The following PLVAP variants were observed in gnomAD, a reference collection of about 807,000 sequenced individuals.
PLVAP encodes the protein plasmalemma vesicle-associated protein.
Under a neutral mutation model 43.1 loss-of-function variants are expected in PLVAP, and 34 were observed. That is an observed-to-expected ratio of 0.79 (90% CI 0.60 to 1.05). PLVAP has a LOEUF of 1.05. Among genes scored for constraint, PLVAP ranks in the 50% least tolerant of loss-of-function variants. PLVAP has a pLI of 0.00. For missense variants in PLVAP, 574 were observed against 593.4 expected, an observed-to-expected ratio of 0.97 and a Z score of 0.34; for synonymous variants, 241 against 237.3, an observed-to-expected ratio of 1.02 and a Z score of -0.14.
intron 5 of PLVAP, among the ~76,000 whole-genome samples, chr19:17,357,628 C>T (rs1252552881): frequency 6.6e-6 from 1 of 152,152 alleles, no homozygotes; most frequent in Non-Finnish European, 1.5e-5. Flanking sequence ...CGTGCCACTG[C>T]ACTCCAGCCT....
At position 17,360,813 on chromosome 19, in the gene PLVAP, A is replaced by G. The variant is rs2074525114; in HGVS notation, c.1199T>C (p.Val400Ala). 6.2e-7 allele frequency: 1 copy of G among 1,613,748 alleles called. No individual in the cohort carries two copies. Among genetic ancestry groups the G allele is most frequent in the Non-Finnish European group, 8.5e-7 (1 of 1,179,842 alleles). ...IKTKSQPMMP[V>A]SRPMGPVPNP... Reference sequence around the variant, plus strand: ...GGGGACAGGGCCCATGGGCCTTGACACTGGCATCATCGGCTGCGACTGTGA... The same window carrying G: ...GGGGACAGGGCCCATGGGCCTTGACGCTGGCATCATCGGCTGCGACTGTGA... The change falls in exon 4 of 6, where the codon GTG (valine) becomes GCG (alanine). Residue 400 changes from valine (V) to alanine (A), a missense_variant. Val to Ala is a moderately conservative substitution (Grantham distance 64, BLOSUM62 0). Transcript: ENST00000252590.
intron 4 of PLVAP, 21 bp downstream of exon 4, chr19:17,360,751 G>C (rs749538525): frequency 2.5e-6 from 4 of 1,610,182 alleles, no homozygotes; most frequent in South Asian, 1.1e-5. Flanking sequence ...CCCCTACTTG[G>C]CTCTGTCTTT....
intron 3 of PLVAP, among the ~76,000 whole-genome samples, chr19:17,363,758 TTTG>T (rs1460314139): frequency 6.6e-6 from 1 of 150,828 alleles, no homozygotes; most frequent in Admixed American, 6.6e-5. Context: ...TTTTTTTTTT[TTTG>T]AGAGAGAATT....
intron 5 of PLVAP, among the ~76,000 whole-genome samples, chr19:17,354,365 G>A (rs2145716779): frequency 6.6e-6 from 1 of 152,246 alleles, no homozygotes; most frequent in South Asian, 2.1e-4. Flanking sequence ...GGGAGACGGA[G>A]GTGGGCGGAT....
intron 1 of PLVAP, 136 bp downstream of exon 1, chr19:17,376,784 C>A: frequency 4.3e-6 from 4 of 921,758 alleles, no homozygotes; most frequent in Non-Finnish European, 6.4e-6. Context: ...GGAGACGGAG[C>A]GAGACTCTGT....
At chr19:17,356,647 A>AT (rs1188094491) in intron 5 of PLVAP, among the ~76,000 whole-genome samples, 2 of 150,118 alleles carry the variant, frequency 1.3e-5, no homozygotes, top group African/African-American at 4.9e-5. Context: ...CTAAACTGAG[A>AT]TTTTATCAAG....
At chr19:17,360,893 C>G in intron 3 of PLVAP, 61 bp from the exon 4 acceptor site, 1 of 1,317,120 alleles carries the variant, frequency 7.6e-7, no homozygotes, top group Non-Finnish European at 1.1e-6. Context: ...AGGCTTCTGC[C>G]TTTTCTTTTC....
intron 5 of PLVAP, among the ~76,000 whole-genome samples, chr19:17,358,155 T>G (rs1261287297): frequency 6.6e-6 from 1 of 151,736 alleles, no homozygotes; most frequent in Non-Finnish European, 1.5e-5. Context: ...TCCCTCCCTG[T>G]GGGCTGCTCA....
At chr19:17,361,930 A>AT (rs148146209) in intron 3 of PLVAP, among the ~76,000 whole-genome samples, 39 of 150,812 alleles carry the variant, frequency 2.6e-4, no homozygotes, top group Non-Finnish European at 4.3e-4. Context: ...AAATAAAAAA[A>AT]AAAAAATCAG....
chr19:17,360,926 T>A, intron 3 of PLVAP, 94 bp from the exon 4 acceptor site: 1 of 1,221,554 alleles, frequency 8.2e-7, no homozygotes, highest in Non-Finnish European at 1.1e-6. Flanking sequence ...TTTTTTTTTT[T>A]TTTTTGAGAC....
intron 1 of PLVAP, among the ~76,000 whole-genome samples, chr19:17,375,633 G>A (rs888659777): frequency 6.6e-6 from 1 of 151,954 alleles, no homozygotes; most frequent in African/African-American, 2.4e-5. Flanking sequence ...TGTAATCCCA[G>A]CACTATGGGA....
Position 17,373,065 on chromosome 19 carries a change from CAAAAAAAAAAAAAA to C in PLVAP, c.369+3841_369+3854del, listed in dbSNP as rs59152541. 8.1e-4 allele frequency among the ~76,000 whole-genome samples: 37 copies of C among 45,690 alleles called. 1 individual carries two copies. In the South Asian group the frequency reaches 0.048, roughly 60 times the overall value. The allele number at this position is 45,690 out of a possible 152,430, so 30.0% of individuals were successfully genotyped here. A position where few individuals can be genotyped will look rare whatever the true frequency, so the allele number is the denominator to read the frequency against. ...TTGGCGACAGAGCTAGACTCTGTCTCAAAAAAAAAAAAAAAAAAAAAAAAAAAAGAAAGAAAAGA... is the reference window on the plus strand; with the variant it reads ...TTGGCGACAGAGCTAGACTCTGTCTCAAAAAAAAAAAAAAGAAAGAAAAGA... On this transcript the variant is annotated intron_variant, in intron 1 of 5. Coordinates refer to ENST00000252590, the MANE Select transcript of PLVAP (RefSeq NM_031310.3).
intron 3 of PLVAP, 82 bp from the exon 4 acceptor site, chr19:17,360,914 C>CTTTTTTT (rs71336607): frequency 5.5e-6 from 5 of 904,630 alleles, no homozygotes; most frequent in South Asian, 1.8e-5. Flanking sequence ...TTTTCTTTTT[C>CTTTTTTT]TTTTTTTTTT....
At chr19:17,376,023 A>T (rs144383374) in intron 1 of PLVAP, among the ~76,000 whole-genome samples, 1,914 of 152,030 alleles carry the variant, frequency 0.013, 26 homozygotes, top group Admixed American at 0.052. Context: ...TCTACTAAAA[A>T]TAAAAAATGA....
chr19:17,366,711 A>T (rs1049147138), intron 1 of PLVAP, among the ~76,000 whole-genome samples: 5 of 150,984 alleles, frequency 3.3e-5, no homozygotes, highest in African/African-American at 1.2e-4. Flanking sequence ...GGCTCACCAC[A>T]ACCTCTGCCT....
At chr19:17,360,200 T>C (rs900116251) in intron 5 of PLVAP, among the ~76,000 whole-genome samples, 6 of 152,212 alleles carry the variant, frequency 3.9e-5, no homozygotes, top group African/African-American at 1.2e-4. Context: ...ACTATTATTG[T>C]TAAGTTGTGA....
intron 3 of PLVAP, among the ~76,000 whole-genome samples, chr19:17,363,939 G>A (rs1232278417): frequency 6.6e-6 from 1 of 151,706 alleles, no homozygotes; most frequent in Non-Finnish European, 1.5e-5. Context: ...GTAGAGACGG[G>A]ATTTCACCAT....
At chr19:17,363,140 G>C (rs1294914184) in intron 3 of PLVAP, among the ~76,000 whole-genome samples, 1 of 152,128 alleles carries the variant, frequency 6.6e-6, no homozygotes, top group African/African-American at 2.4e-5. Context: ...TTGTTACACT[G>C]GGTATATTGC....
chr19:17,354,220 G>A (rs889466827), intron 5 of PLVAP, among the ~76,000 whole-genome samples: 18 of 152,020 alleles, frequency 1.2e-4, no homozygotes, highest in Non-Finnish European at 5.9e-5. Context: ...AACCCAGGAG[G>A]TGGGAGTTGC....
Sources: allele counts gnomAD v4.1 joint callset (sites outside exome capture counted in the v4.1 genomes callset), GRCh38; gene constraint gnomAD v4.1.1; transcripts MANE v1.5; gene names NCBI Gene and HGNC (gene_info 2026-07-23, HGNC 2026-07-21).